The following BTBD9 variants were observed in gnomAD, a reference collection of about 807,000 sequenced individuals.
The protein encoded by BTBD9 is BTB domain containing 9, also known as BTB/POZ domain-containing protein 9.
BTBD9 carries 49 observed loss-of-function variants against 64.3 expected under a neutral mutation model. The ratio of observed to expected loss-of-function variants is 0.76; its 90% CI spans 0.61 to 0.97. BTBD9 has a LOEUF of 0.97. Among genes scored for constraint, BTBD9 ranks in the 50% least tolerant of loss-of-function variants. The pLI is 0.00. For synonymous variants in BTBD9, 260 were observed against 274.7 expected (o/e 0.95, Z 0.53); for missense variants, 598 against 762.1 (o/e 0.78, Z 2.53).
rs576805733 is a variant in BTBD9 at position 38,345,194 on chromosome 6, C to A, written c.1155-101G>T. 1.2e-4 allele frequency: 79 copies of A among 668,224 alleles called. 1 individual carries two copies. The African/African-American group carries it at 1.3e-3, about 11-fold the overall frequency. The allele number at this position is 668,224 out of a possible 1,614,324, so 41.4% of individuals were successfully genotyped here. A position where few individuals can be genotyped will look rare whatever the true frequency, so the allele number is the denominator to read the frequency against. On this transcript the variant is annotated intron_variant, in intron 6 of 10. Transcript: ENST00000481247. ...CACGTCACCTAAACATAGAGTGCAC[C>A]AGGATATAGACCAAAGGAGACTCTG...
intron 9 of BTBD9, among the ~76,000 whole-genome samples, chr6:38,223,996 T>G (rs1157468844): frequency 6.6e-6 from 1 of 152,142 alleles, no homozygotes; most frequent in African/African-American, 2.4e-5. Flanking sequence ...GCTGACTGCT[T>G]GAGGCCAGGA....
intron 6 of BTBD9, among the ~76,000 whole-genome samples, chr6:38,461,894 A>G (rs1770102709): frequency 1.3e-5 from 2 of 152,154 alleles, no homozygotes; most frequent in Admixed American, 1.3e-4. Context: ...ATCTTATTTT[A>G]GCCTTAATTT....
intron 6 of BTBD9, among the ~76,000 whole-genome samples, chr6:38,421,446 CAT>C (rs1444405719): frequency 6.6e-6 from 1 of 152,198 alleles, no homozygotes; most frequent in African/African-American, 2.4e-5. Context: ...TGTTTTTAAA[CAT>C]GTGTTTTGGT....
chr6:38,304,329 C>T (rs541628504), intron 7 of BTBD9, among the ~76,000 whole-genome samples: 9 of 152,074 alleles, frequency 5.9e-5, no homozygotes, highest in South Asian at 2.1e-4. Flanking sequence ...GGGCGGATCA[C>T]GAGGTCAAGA....
At chr6:38,606,730 A>G (rs1490303808) in intron 1 of BTBD9, among the ~76,000 whole-genome samples, 2 of 152,204 alleles carry the variant, frequency 1.3e-5, no homozygotes, top group East Asian at 3.8e-4. Context: ...CTTACTTATA[A>G]GCCAGACACA....
At chr6:38,588,757 A>G (rs1776658470) in intron 4 of BTBD9, among the ~76,000 whole-genome samples, 1 of 152,068 alleles carries the variant, frequency 6.6e-6, no homozygotes, top group Admixed American at 6.5e-5. Flanking sequence ...TTGGAACACT[A>G]CTCTTACATG....
intron 6 of BTBD9, among the ~76,000 whole-genome samples, chr6:38,350,238 C>T (rs1349029951): frequency 1.3e-5 from 2 of 152,188 alleles, no homozygotes; most frequent in Admixed American, 6.5e-5. Flanking sequence ...CATTCTCTGC[C>T]TGTTCTGGGA....
chr6:38,415,920 A>T (rs951507959), intron 6 of BTBD9, among the ~76,000 whole-genome samples: 1 of 152,070 alleles, frequency 6.6e-6, no homozygotes, highest in Non-Finnish European at 1.5e-5. Context: ...TGACTTCGGG[A>T]TCAAGTTCAA....
intron 6 of BTBD9, among the ~76,000 whole-genome samples, chr6:38,575,481 A>G (rs954107266): frequency 6.6e-6 from 1 of 152,242 alleles, no homozygotes; most frequent in African/African-American, 2.4e-5. Flanking sequence ...TTACGTGCTA[A>G]GGAAATAAAC....
intron 7 of BTBD9, among the ~76,000 whole-genome samples, chr6:38,301,076 T>C (rs1762381484): frequency 6.6e-6 from 1 of 152,214 alleles, no homozygotes; most frequent in Admixed American, 6.5e-5. Flanking sequence ...TGAAGTGTTG[T>C]TGAATTTTGT....
intron 6 of BTBD9, among the ~76,000 whole-genome samples, chr6:38,425,113 G>A (rs535872596): frequency 8.5e-6 from 1 of 116,976 alleles, no homozygotes; most frequent in East Asian, 2.8e-4. Flanking sequence ...ACCGTGCCCG[G>A]CCTTTTTTTT....
intron 6 of BTBD9, among the ~76,000 whole-genome samples, chr6:38,544,402 T>C (rs1007619721): frequency 6.6e-6 from 1 of 152,012 alleles, no homozygotes; most frequent in Non-Finnish European, 1.5e-5. Flanking sequence ...GCTGTAAATG[T>C]GTGTCAGTGA....
chr6:38,393,394 C>G (rs1345067799), intron 6 of BTBD9, among the ~76,000 whole-genome samples: 1 of 152,130 alleles, frequency 6.6e-6, no homozygotes, highest in East Asian at 1.9e-4. Flanking sequence ...CAGAAGAGAA[C>G]TGGCCATAGA....
intron 6 of BTBD9, among the ~76,000 whole-genome samples, chr6:38,439,083 G>A (rs1192415354): frequency 6.6e-6 from 1 of 150,538 alleles, no homozygotes; most frequent in African/African-American, 2.5e-5. Flanking sequence ...GATAATGTGG[G>A]GTCTTGTAGG....
chr6:38,283,263 T>G (rs1449686646), intron 8 of BTBD9, among the ~76,000 whole-genome samples: 1 of 152,234 alleles, frequency 6.6e-6, no homozygotes, highest in Non-Finnish European at 1.5e-5. Context: ...AAGAAATGGC[T>G]TCTGTGGATG....
chr6:38,294,869 C>T (rs1438441949), intron 7 of BTBD9, among the ~76,000 whole-genome samples: 1 of 150,652 alleles, frequency 6.6e-6, no homozygotes, highest in Non-Finnish European at 1.5e-5. Flanking sequence ...ACTAATTGCT[C>T]CACATCCTCA....
At chr6:38,448,079 G>A (rs9470879) in intron 6 of BTBD9, among the ~76,000 whole-genome samples, 15,634 of 152,148 alleles carry the variant, frequency 0.1, 858 homozygotes, top group African/African-American at 0.13. Context: ...AGTAATCAGG[G>A]TGTGTCAAGG....
chr6:38,499,781 T>C (rs1772114550), intron 6 of BTBD9, among the ~76,000 whole-genome samples: 1 of 152,228 alleles, frequency 6.6e-6, no homozygotes, highest in Non-Finnish European at 1.5e-5. Flanking sequence ...AACAAGAACT[T>C]GAAGGTGCAG....
At chr6:38,617,841 T>C (rs1188453159) in intron 1 of BTBD9, among the ~76,000 whole-genome samples, 6 of 152,104 alleles carry the variant, frequency 3.9e-5, no homozygotes, top group African/African-American at 1.4e-4. Context: ...AGAAAACACT[T>C]AGGACTCTAA....
Sources: gnomAD v4.1 joint callset for allele counts (sites outside exome capture counted in the v4.1 genomes callset) on GRCh38, gnomAD v4.1.1 for gene constraint, MANE v1.5 for transcripts, NCBI Gene and HGNC (gene_info 2026-07-23, HGNC 2026-07-21) for gene names.